The following TULP4 variants were observed in gnomAD, a reference collection of about 807,000 sequenced individuals.
The protein encoded by TULP4 is TUB like protein 4, also known as tubby-related protein 4.
A neutral mutation model predicts 129.0 loss-of-function variants in TULP4; 16 were observed. The ratio of observed to expected loss-of-function variants is 0.12; its 90% confidence interval spans 0.08 to 0.19. TULP4 has a LOEUF of 0.19. Ranked by LOEUF, TULP4 falls within the 10% of genes least tolerant of loss-of-function variation. TULP4 has a pLI of 1.00. For missense variants in TULP4, 1,842 were observed against 2,059.1 expected (o/e 0.89, Z 2.04); for synonymous variants, 998 against 854.0 (o/e 1.17, Z -2.94).
chr6:158,491,440 T>TCTTTCTTTCTTC (rs1554296506), intron 9 of TULP4, among the ~76,000 whole-genome samples: 4 of 18,950 alleles, frequency 2.1e-4, no homozygotes, highest in African/African-American at 9.8e-4. Context: ...TTTCTTTCTT[T>TCTTTCTTTCTTC]CTTTTCTTTC....
intron 6 of TULP4, among the ~76,000 whole-genome samples, chr6:158,471,383 G>A (rs1003148465): frequency 6.6e-6 from 1 of 152,252 alleles, no homozygotes; most frequent in Non-Finnish European, 1.5e-5. Flanking sequence ...GGAAAGGTGA[G>A]TGTAGTAGCA....
intron 1 of TULP4, among the ~76,000 whole-genome samples, chr6:158,408,637 C>G (rs1418986715): frequency 2.0e-5 from 3 of 152,244 alleles, no homozygotes; most frequent in South Asian, 4.1e-4. Context: ...AGCTGTGCAG[C>G]TGGTGAGTGA....
intron 1 of TULP4, among the ~76,000 whole-genome samples, chr6:158,365,899 C>CTT (rs5881257): frequency 0.014 from 797 of 57,556 alleles, 39 homozygotes; most frequent in Non-Finnish European, 0.018. Context: ...CTTTTTCTTT[C>CTT]TTTTTTTTTT....
chr6:158,312,215 T>G (rs936907392), upstream of TULP4: 14 of 398,084 alleles, frequency 3.5e-5, no homozygotes, highest in Non-Finnish European at 5.8e-5. Context: ...CTCATTCTTG[T>G]GCACACTTGA....
chr6:158,305,317 C>CTG (rs1310324923), intron 1 of TULP4, among the ~76,000 whole-genome samples: 62 of 116,000 alleles, frequency 5.3e-4, no homozygotes, highest in African/African-American at 1.6e-3. Context: ...ATATTTCATT[C>CTG]TGTGTGCGTG....
chr6:158,337,204 C>G (rs2114738691), intron 1 of TULP4, among the ~76,000 whole-genome samples: 1 of 124,682 alleles, frequency 8.0e-6, no homozygotes, highest in African/African-American at 3.1e-5. Context: ...TCAATCATGG[C>G]TCACTGCAGA....
At chr6:158,436,281 C>T (rs1253947669) in intron 3 of TULP4, among the ~76,000 whole-genome samples, 1 of 152,148 alleles carries the variant, frequency 6.6e-6, no homozygotes, top group Admixed American at 6.5e-5. Context: ...ATGTTTCTAT[C>T]TGAGACTATT....
chr6:158,239,699 C>T (rs1583664887), intron 1 of TULP4, among the ~76,000 whole-genome samples: 1 of 66,938 alleles, frequency 1.5e-5, no homozygotes, highest in Non-Finnish European at 3.4e-5. Flanking sequence ...CTCCTCACTT[C>T]CCAGTAGGGG....
intron 3 of TULP4, among the ~76,000 whole-genome samples, chr6:158,432,714 A>T (rs972416669): frequency 3.3e-5 from 5 of 152,264 alleles, no homozygotes; most frequent in African/African-American, 9.6e-5. Flanking sequence ...TAGAAAAATT[A>T]GCTGGGCATA....
chr6:158,354,236 G>A lies in TULP4; in HGVS notation c.252+39968G>A, dbSNP rs1271199275. Among the ~76,000 whole-genome samples the A allele has an allele frequency of 3.9e-5, 6 of 152,176 alleles. No homozygotes were observed. The East Asian group carries it at 9.7e-4, about 25-fold the overall frequency. On this transcript the variant is annotated intron_variant, in intron 1 of 13. Coordinates refer to ENST00000367097, the MANE Select transcript of TULP4 (RefSeq NM_020245.5). ...AAGGTATTTAATAATTTTGGTTGAC[G>A]GAAAAACAAAGGAGTGAACTAATAA...
At chr6:158,487,322 C>G (rs1009588616) in intron 8 of TULP4, among the ~76,000 whole-genome samples, 3 of 152,116 alleles carry the variant, frequency 2.0e-5, no homozygotes, top group African/African-American at 7.2e-5. Flanking sequence ...CATCTGTAGT[C>G]CCAGCTACTC....
In TULP4 at chr6:158,455,223, C is replaced by T. The variant is rs1285823362; in HGVS notation, c.859+2955C>T. On this transcript the variant is annotated intron_variant, in intron 5 of 13. Transcript: ENST00000367097. ...CCGAGTAGCTGGGACTACAGGCGCC[C>T]GCCACCGCGCCCGGCTAATTTTTTG... 3.1e-5 allele frequency among the ~76,000 whole-genome samples: 2 copies of T among 65,542 alleles called. 1 individual carries two copies. Among genetic ancestry groups the T allele is most frequent in the Non-Finnish European group, 5.6e-5 (2 of 35,524 alleles). 43.0% of individuals were successfully genotyped at this position (65,542 alleles called of 152,430 possible).
chr6:158,479,679 G>A, intron 6 of TULP4, 72 bp from the exon 7 acceptor site: 1 of 1,420,804 alleles, frequency 7.0e-7, no homozygotes, highest in South Asian at 1.2e-5. Flanking sequence ...CTCGAGACAA[G>A]TGTGCATTAT....
chr6:158,456,255 G>A (rs1191573808), intron 5 of TULP4, among the ~76,000 whole-genome samples: 1 of 152,218 alleles, frequency 6.6e-6, no homozygotes, highest in African/African-American at 2.4e-5. Context: ...TTTGGGGAAA[G>A]CAGGAGATCA....
At chr6:158,392,436 A>G (rs1259151485) in intron 1 of TULP4, among the ~76,000 whole-genome samples, 1 of 152,212 alleles carries the variant, frequency 6.6e-6, no homozygotes, top group Non-Finnish European at 1.5e-5. Flanking sequence ...TTTGAATCAC[A>G]TAATAGGAAG....
intron 1 of TULP4, among the ~76,000 whole-genome samples, chr6:158,236,259 T>C (rs1777696527): frequency 6.6e-6 from 1 of 152,250 alleles, no homozygotes; most frequent in Non-Finnish European, 1.5e-5. Flanking sequence ...TTTTACAGCA[T>C]ATGTTATTTT....
chr6:158,411,776 C>T (rs1778106156), intron 1 of TULP4, among the ~76,000 whole-genome samples: 1 of 152,108 alleles, frequency 6.6e-6, no homozygotes, highest in African/African-American at 2.4e-5. Flanking sequence ...TCCATGGCAT[C>T]GCTTTGAGAA....
At chr6:158,397,402 C>CA (rs1315176027) in intron 1 of TULP4, among the ~76,000 whole-genome samples, 17 of 152,176 alleles carry the variant, frequency 1.1e-4, no homozygotes, top group African/African-American at 3.9e-4. Context: ...CCTGAGTGTC[C>CA]ATTCTCCCTC....
At chr6:158,381,030 A>C (rs1164288819) in intron 1 of TULP4, among the ~76,000 whole-genome samples, 1 of 151,874 alleles carries the variant, frequency 6.6e-6, no homozygotes, top group Non-Finnish European at 1.5e-5. Context: ...TCCGAGTCCC[A>C]TGATGGCATA....
Sources: gnomAD v4.1 joint callset for allele counts (sites outside exome capture counted in the v4.1 genomes callset) on GRCh38, gnomAD v4.1.1 for gene constraint, MANE v1.5 for transcripts, NCBI Gene and HGNC (gene_info 2026-07-23, HGNC 2026-07-21) for gene names.